EIF4E3: variants seen among roughly 807,000 people sequenced by gnomAD.
EIF4E3 encodes eukaryotic translation initiation factor 4E type 3.
In EIF4E3, 26 loss-of-function variants were observed where a neutral mutation model predicts 31.7. The ratio of observed to expected loss-of-function variants is 0.82; its 90% CI spans 0.60 to 1.14. EIF4E3 has a LOEUF of 1.14. Among genes scored for constraint, EIF4E3 ranks in the 50% most tolerant of loss-of-function variants. The pLI is 0.00. For synonymous variants in EIF4E3, 128 were observed against 107.7 expected (o/e 1.19, Z -1.17); for missense variants, 304 against 270.9 (o/e 1.12, Z -0.86).
upstream of EIF4E3, chr3:71,729,123 C>T (rs1223962903): frequency 6.6e-6 from 1 of 152,250 alleles, no homozygotes; most frequent in Non-Finnish European, 1.5e-5. Context: ...ATCAGCCCAA[C>T]TTTCATCATC....
At chr3:71,734,066 A>C (rs1456353954) in intron 1 of EIF4E3, among the ~76,000 whole-genome samples, 1 of 151,968 alleles carries the variant, frequency 6.6e-6, no homozygotes, top group Non-Finnish European at 1.5e-5. Context: ...TTAATTTTTC[A>C]CTCTTTTCCT....
chr3:71,703,221 C>A (rs1266110306), intron 2 of EIF4E3, among the ~76,000 whole-genome samples: 1 of 152,150 alleles, frequency 6.6e-6, no homozygotes, highest in Non-Finnish European at 1.5e-5. Context: ...TGTGACGGGT[C>A]CTTGGGGAAC....
intron 1 of EIF4E3, among the ~76,000 whole-genome samples, chr3:71,711,597 C>A (rs1249040517): frequency 6.6e-6 from 1 of 152,160 alleles, no homozygotes; most frequent in African/African-American, 2.4e-5. Flanking sequence ...AAGGCCCATG[C>A]CCAGGTTGGG....
chr3:71,688,500 T>G (rs964575412), intron 6 of EIF4E3, among the ~76,000 whole-genome samples: 4 of 152,164 alleles, frequency 2.6e-5, no homozygotes, highest in Non-Finnish European at 5.9e-5. Flanking sequence ...TTGCTCAAGG[T>G]CACACTGGTG....
chr3:71,753,902 G>A (rs1386440551), upstream of EIF4E3: 3 of 939,068 alleles, frequency 3.2e-6, no homozygotes, highest in African/African-American at 5.4e-5. Flanking sequence ...GGGAGCCCAG[G>A]AGGGGCCGGC....
chr3:71,714,314 GGA>G (rs1422360458), intron 1 of EIF4E3, among the ~76,000 whole-genome samples: 3 of 146,344 alleles, frequency 2.0e-5, no homozygotes, highest in Non-Finnish European at 4.5e-5. Flanking sequence ...ACGAAAGAAA[GGA>G]AAGGAAAGAA....
intron 1 of EIF4E3, among the ~76,000 whole-genome samples, chr3:71,719,753 C>T (rs1449430556): frequency 6.6e-6 from 1 of 152,066 alleles, no homozygotes; most frequent in Non-Finnish European, 1.5e-5. Context: ...GGACAGGGCG[C>T]CTCTAATCCC....
intron 1 of EIF4E3, among the ~76,000 whole-genome samples, chr3:71,714,273 A>AAAGAAGGAAG (rs1559602527): frequency 8.0e-5 from 10 of 125,278 alleles, no homozygotes; most frequent in South Asian, 2.6e-4. Flanking sequence ...AAGGAAGGAA[A>AAAGAAGGAAG]GAAGGAAGGA....
chr3:71,717,260 G>A (rs1578367783), intron 1 of EIF4E3, among the ~76,000 whole-genome samples: 1 of 152,182 alleles, frequency 6.6e-6, no homozygotes, highest in South Asian at 2.1e-4. Context: ...GTACATTAGA[G>A]TTTGAGACAT....
At chr3:71,746,206 G>A (rs1164101149) in intron 1 of EIF4E3, among the ~76,000 whole-genome samples, 1 of 152,182 alleles carries the variant, frequency 6.6e-6, no homozygotes, top group Non-Finnish European at 1.5e-5. Context: ...TGTGACCACA[G>A]ACTATGGTTA....
chr3:71,739,186 C>T (rs1387045341), intron 1 of EIF4E3, among the ~76,000 whole-genome samples: 1 of 150,746 alleles, frequency 6.6e-6, no homozygotes, highest in Non-Finnish European at 1.5e-5. Context: ...TAAATTCCTA[C>T]ATTAAGAAAC....
At chr3:71,665,417 G>A in the EIF4E3 span, among the ~76,000 whole-genome samples, 1 of 152,180 alleles carries the variant, frequency 6.6e-6, no homozygotes, top group African/African-American at 2.4e-5. Context: ...AATCTAATGG[G>A]CTGAGTGCTT....
intron 1 of EIF4E3, among the ~76,000 whole-genome samples, chr3:71,722,869 C>G (rs752303013): frequency 6.6e-6 from 1 of 152,110 alleles, no homozygotes; most frequent in Non-Finnish European, 1.5e-5. Context: ...CCAGCTGGCA[C>G]CTGTTAGGTG....
intron 1 of EIF4E3, among the ~76,000 whole-genome samples, chr3:71,718,014 A>G (rs1413099709): frequency 6.6e-6 from 1 of 152,202 alleles, no homozygotes; most frequent in Non-Finnish European, 1.5e-5. Context: ...TGCTGAAAAA[A>G]CCAATGATGA....
At chr3:71,698,193 G>A (rs545155920) in intron 3 of EIF4E3, among the ~76,000 whole-genome samples, 21 of 152,312 alleles carry the variant, frequency 1.4e-4, no homozygotes, top group African/African-American at 4.1e-4. Flanking sequence ...AAAAAGGAAG[G>A]AGCTAGCGAT....
intron 2 of EIF4E3, among the ~76,000 whole-genome samples, chr3:71,700,862 A>T (rs1215975052): frequency 6.6e-6 from 1 of 152,064 alleles, no homozygotes; most frequent in Non-Finnish European, 1.5e-5. Flanking sequence ...ATATGCTGAA[A>T]CCCTAACTAC....
chr3:71,671,219 G>T (rs1415916310), downstream of EIF4E3, among the ~76,000 whole-genome samples: 1 of 152,148 alleles, frequency 6.6e-6, no homozygotes, highest in Non-Finnish European at 1.5e-5. Flanking sequence ...TCTGTTGCAG[G>T]AAAGGAAGCT....
At chr3:71,738,299 C>G (rs2049783939) in intron 1 of EIF4E3, among the ~76,000 whole-genome samples, 1 of 152,166 alleles carries the variant, frequency 6.6e-6, no homozygotes, top group South Asian at 2.1e-4. Flanking sequence ...CTACCTAAGC[C>G]AGCAAGGCCA....
chr3:71,675,081 C>G (rs2048865866), downstream of EIF4E3, among the ~76,000 whole-genome samples: 1 of 152,212 alleles, frequency 6.6e-6, no homozygotes. Flanking sequence ...ACCACCAAAC[C>G]TTTTACCAGA....
Sources: allele counts gnomAD v4.1 joint callset (sites outside exome capture counted in the v4.1 genomes callset), GRCh38; gene constraint gnomAD v4.1.1; transcripts MANE v1.5; gene names NCBI Gene and HGNC (gene_info 2026-07-23, HGNC 2026-07-21).